PCDHGA4: variants seen among roughly 807,000 people sequenced by gnomAD.
The protein encoded by PCDHGA4 is protocadherin gamma subfamily A, 4, also known as protocadherin gamma-A4.
PCDHGA4 carries 38 observed loss-of-function variants against 54.6 expected under a neutral mutation model. That is an observed-to-expected ratio of 0.70 (90% CI 0.54 to 0.91). The LOEUF (loss-of-function observed/expected upper bound fraction) is 0.91, where lower values mean the gene tolerates loss of function less well. Ranked by LOEUF, PCDHGA4 falls within the 40% of genes least tolerant of loss-of-function variation. The pLI is 0.00. For synonymous variants in PCDHGA4, 511 were observed against 512.9 expected, an observed-to-expected ratio of 1.00 and a Z score of 0.05; for missense variants, 1,298 against 1,220.9, an observed-to-expected ratio of 1.06 and a Z score of -0.94.
At chr5:141,366,443 C>T in intron 1 of PCDHGA4, 1 of 1,614,206 alleles carries the variant, frequency 6.2e-7, no homozygotes, top group Non-Finnish European at 8.5e-7. Context: ...CTGCGTCTTC[C>T]TGGCCTTCGT....
chr5:141,423,009 G>T (rs371209178), intron 1 of PCDHGA4: 3 of 1,614,222 alleles, frequency 1.9e-6, no homozygotes, highest in Non-Finnish European at 2.5e-6. Context: ...AGGTGGTTGC[G>T]GTGGACAAAG....
chr5:141,423,405 G>T (rs1444037259), intron 1 of PCDHGA4: 1 of 1,614,154 alleles, frequency 6.2e-7, no homozygotes, highest in African/African-American at 1.3e-5. Context: ...CACGCCTGCT[G>T]CAGGCTTCTG....
At position 141,490,558 on chromosome 5, in the gene PCDHGA4, A is replaced by G. The variant is rs765890709; in HGVS notation, c.2515-4249A>G. 3.1e-5 allele frequency: 50 copies of G among 1,614,042 alleles called. No individual in the cohort carries two copies. The East Asian group carries it at 1.0e-3, about 34-fold the overall frequency. ...ACCTTCCCTACACAAACATCTCACC[A>G]TCAGGCTCAACATTTCAGATGTCAA... On this transcript the variant is annotated intron_variant, in intron 1 of 3. Transcript: ENST00000571252. This position sits in a 1 kb window ranked among gnomAD's most constrained non-coding sequence, Gnocchi z 5.4.
At chr5:141,365,248 A>G in intron 1 of PCDHGA4, 5 of 1,613,892 alleles carry the variant, frequency 3.1e-6, no homozygotes, top group Non-Finnish European at 4.2e-6. Flanking sequence ...CTCTACAATC[A>G]CTGGACTATG....
intron 1 of PCDHGA4, among the ~76,000 whole-genome samples, chr5:141,401,210 C>T (rs1038078572): frequency 3.9e-5 from 6 of 151,956 alleles, no homozygotes; most frequent in Non-Finnish European, 5.9e-5. Flanking sequence ...GGTGTGGTGG[C>T]GGGCGCCTGT....
intron 1 of PCDHGA4, chr5:141,415,086 G>A (rs769093571): frequency 3.1e-6 from 5 of 1,613,554 alleles, no homozygotes; most frequent in South Asian, 1.1e-5. Flanking sequence ...GAGCCCTGCT[G>A]GACAGAGACG....
At chr5:141,361,866 G>A (rs1284566770) in intron 1 of PCDHGA4, 1 of 1,611,706 alleles carries the variant, frequency 6.2e-7, no homozygotes, top group East Asian at 2.2e-5. Flanking sequence ...TCTTCGATAT[G>A]GTGCCACGCG....
chr5:141,443,826 G>C (rs955306823), intron 1 of PCDHGA4, among the ~76,000 whole-genome samples: 1 of 151,978 alleles, frequency 6.6e-6, no homozygotes, highest in African/African-American at 2.4e-5. Flanking sequence ...AACATAATTA[G>C]GTAAAATGGG....
chr5:141,388,469 A>G, intron 1 of PCDHGA4: 11 of 1,613,858 alleles, frequency 6.8e-6, no homozygotes, highest in Non-Finnish European at 8.5e-6. Context: ...CTGAGATGGT[A>G]TTGAAGACAC....
chr5:141,497,217 G>A (rs1046945884), intron 2 of PCDHGA4, among the ~76,000 whole-genome samples: 1 of 152,066 alleles, frequency 6.6e-6, no homozygotes, highest in African/African-American at 2.4e-5. Flanking sequence ...AATGGGGGGG[G>A]GAAGATCAGA....
At chr5:141,499,029 A>AAGGAAGGAAGGAAGGAAGGAAGG (rs1562187768) in intron 2 of PCDHGA4, among the ~76,000 whole-genome samples, 1 of 139,968 alleles carries the variant, frequency 7.1e-6, no homozygotes, top group African/African-American at 2.8e-5. Flanking sequence ...AGGAAGGAAG[A>AAGGAAGGAAGGAAGGAAGGAAGG]AAAGAAAGAA....
chr5:141,384,753 G>A, intron 1 of PCDHGA4: 2 of 1,614,010 alleles, frequency 1.2e-6, no homozygotes, highest in Non-Finnish European at 1.7e-6. Flanking sequence ...GACTCTTTGC[G>A]GTTGGGCTGT....
At chr5:141,361,005 C>T (rs371836659) in intron 1 of PCDHGA4, 3 of 1,613,186 alleles carry the variant, frequency 1.9e-6, no homozygotes, top group Non-Finnish European at 2.5e-6. Context: ...AAGTGAAACA[C>T]TTTTTCAACT....
At chr5:141,366,718 G>C (rs772444465) in intron 1 of PCDHGA4, 1 of 1,613,638 alleles carries the variant, frequency 6.2e-7, no homozygotes, top group Non-Finnish European at 8.5e-7. Context: ...TGTCTGATAA[G>C]GTAGATGCAA....
intron 1 of PCDHGA4, chr5:141,396,060 G>C (rs1309175410): frequency 6.6e-6 from 1 of 152,200 alleles, no homozygotes; most frequent in African/African-American, 2.4e-5. Flanking sequence ...CCAATTAGCT[G>C]TTTCGGTTGT....
chr5:141,422,831 C>A (rs766457129), intron 1 of PCDHGA4: 11 of 1,614,242 alleles, frequency 6.8e-6, no homozygotes, highest in Non-Finnish European at 6.8e-6. Context: ...AGAGTGATAG[C>A]ACGTGACAGC....
At position 141,485,314 on chromosome 5, in the gene PCDHGA4, T is replaced by A. The variant is rs1292296791; in HGVS notation, c.2515-9493T>A. The A allele has an allele frequency of 1.2e-6, 2 of 1,614,150 alleles. No homozygotes were observed. The highest frequency in any genetic ancestry group is 1.7e-6 in the Non-Finnish European group (2 of 1,180,032). ...CACAGGAAGGGACTTTTGTAGGGAA[T>A]GTCGCTCAAGATTTCCTGCTGGATA... On this transcript the variant is annotated intron_variant, in intron 1 of 3. Coordinates refer to ENST00000571252, the MANE Select transcript of PCDHGA4 (RefSeq NM_018917.4). This position sits in a 1 kb window ranked among gnomAD's most constrained non-coding sequence, Gnocchi z 5.7.
chr5:141,390,000 A>G, intron 1 of PCDHGA4: 2 of 1,613,856 alleles, frequency 1.2e-6, no homozygotes, highest in Non-Finnish European at 1.7e-6. Flanking sequence ...CGTGGCCATG[A>G]TTCTGGCCAT....
chr5:141,397,407 G>C (rs1383716790), intron 1 of PCDHGA4, among the ~76,000 whole-genome samples: 1 of 152,108 alleles, frequency 6.6e-6, no homozygotes. Context: ...TTACAAAATA[G>C]TTTTAAATAG....
Sources: gnomAD v4.1 joint callset for allele counts (sites outside exome capture counted in the v4.1 genomes callset) on GRCh38, gnomAD v4.1.1 for gene constraint, Gnocchi (gnomAD v3.1) non-coding constraint, MANE v1.5 for transcripts, NCBI Gene and HGNC (gene_info 2026-07-23, HGNC 2026-07-21) for gene names.